The following FXYD6 variants were observed in gnomAD, a reference collection of about 807,000 sequenced individuals.
FXYD6 encodes FXYD domain containing ion transport regulator 6, also known as FXYD domain-containing ion transport regulator 6.
Under a neutral mutation model 16.7 loss-of-function variants are expected in FXYD6, and 7 were observed. The observed-to-expected ratio is 0.42, with a 90% CI of 0.24 to 0.79. FXYD6 has a LOEUF of 0.79. Among genes scored for constraint, FXYD6 ranks in the 30% least tolerant of loss-of-function variants. The probability of loss-of-function intolerance (pLI) is 0.28; values close to 1 mark genes in which losing one functional copy is unlikely to be tolerated. For synonymous variants in FXYD6, 49 were observed against 43.0 expected (o/e 1.14, Z -0.54); for missense variants, 111 against 116.2 (o/e 0.95, Z 0.21).
At chr11:117,841,059 A>G (rs919146069) in intron 5 of FXYD6, 89 bp downstream of exon 5, 7 of 1,540,786 alleles carry the variant, frequency 4.5e-6, no homozygotes, top group Non-Finnish European at 6.2e-6. Context: ...AGAATCCAAG[A>G]GAATGCCCAT....
rs543496859 is a variant in FXYD6, at chr11:117,870,774, A to T, written c.-6+5818T>A. Among the ~76,000 whole-genome samples the T allele has an allele frequency of 3.9e-5, 6 of 152,004 alleles. No individual in the cohort carries two copies. The East Asian group carries it at 1.2e-3, about 30-fold the overall frequency. On this transcript the variant is annotated intron_variant, in intron 1 of 7. Coordinates refer to ENST00000526014, the MANE Select transcript of FXYD6 (RefSeq NM_022003.4). The surrounding 1 kb of genome is among the most constrained non-coding windows in gnomAD (Gnocchi z 4.2). ...ATTATCCCCTCCCTCCCCTCAATGC[A>T]TCCTCATACCCACAGAGCCAAGGCC...
intron 2 of FXYD6, chr11:117,842,365 C>T (rs1225537923): frequency 1.8e-6 from 1 of 558,288 alleles, no homozygotes; most frequent in Non-Finnish European, 3.2e-6. Context: ...CAAGGAAGGA[C>T]ATATGACTTG....
chr11:117,841,782 C>A lies in FXYD6; in HGVS notation c.172+9G>T, dbSNP rs1437319529. 6.2e-7 allele frequency: 1 copy of A among 1,613,638 alleles called. No homozygotes were observed. On this transcript the variant is annotated intron_variant, in intron 4 of 7. Transcript: ENST00000526014. ...GCTCTTAACAGAGTGAGCAAAAGAA[C>A]AAACTTACTTAGGATAAGGAGGATC...
rs143938743 is a variant in FXYD6, at chr11:117,838,725, A to T, written c.*22-448T>A. 1.8e-3 allele frequency: 344 copies of T among 192,416 alleles called. 3 individuals carry two copies. The highest frequency in any genetic ancestry group is 7.7e-3 in the African/African-American group (331 of 43,070). 11.9% of individuals were successfully genotyped at this position (192,416 alleles called of 1,614,324 possible). On this transcript the variant is annotated intron_variant, in intron 7 of 7. Transcript: ENST00000526014. ...ATCTTCGTCCATTCGCACTTAGGTG[A>T]TCACTTGCCTTCGAGAGCCCCATCC...
intron 7 of FXYD6, chr11:117,838,807 A>G (rs1243286466): frequency 6.1e-6 from 1 of 163,836 alleles, no homozygotes; most frequent in African/African-American, 2.4e-5. Flanking sequence ...TGAGGATGCA[A>G]AAGCACTTAG....
intron 4 of FXYD6, 118 bp from the exon 5 acceptor site, chr11:117,841,302 G>C: frequency 1.5e-6 from 2 of 1,349,310 alleles, no homozygotes; most frequent in Non-Finnish European, 2.1e-6. Context: ...GCAGTGCACA[G>C]TTTGCACAGC....
intron 1 of FXYD6, among the ~76,000 whole-genome samples, chr11:117,845,649 C>T (rs12419358): frequency 0.019 from 2,875 of 152,270 alleles, 294 homozygotes; most frequent in Admixed American, 0.16. Flanking sequence ...TTTTCCCCCT[C>T]AATTTTATGC....
upstream of FXYD6, chr11:117,876,673 G>A (rs1407397856): frequency 1.3e-5 from 2 of 152,134 alleles, no homozygotes; most frequent in South Asian, 2.1e-4. Context: ...CTGGGGGCAG[G>A]GCGGTGGGTG....
chr11:117,839,878 C>T (rs771073209), intron 6 of FXYD6, 48 bp from the exon 7 acceptor site: 36 of 1,612,500 alleles, frequency 2.2e-5, no homozygotes, highest in Non-Finnish European at 2.5e-5. Flanking sequence ...TCCTCACCCC[C>T]GTGGGCCACC....
intron 1 of FXYD6, among the ~76,000 whole-genome samples, chr11:117,844,781 G>T (rs776960585): frequency 6.6e-6 from 1 of 152,142 alleles, no homozygotes; most frequent in Non-Finnish European, 1.5e-5. Context: ...GTGAGCCACC[G>T]CGCCTGGCTG....
chr11:117,840,071 G>A (rs962116273), intron 6 of FXYD6: 3 of 643,850 alleles, frequency 4.7e-6, no homozygotes, highest in African/African-American at 3.7e-5. Context: ...TCAGGGCTGT[G>A]TGCCCATTAA....
At chr11:117,859,846 C>T (rs1441504624) in intron 1 of FXYD6, among the ~76,000 whole-genome samples, 3 of 152,134 alleles carry the variant, frequency 2.0e-5, no homozygotes, top group Non-Finnish European at 4.4e-5. Context: ...CCGGAGCTTC[C>T]CTGTTTTCAT....
chr11:117,842,255 G>A (rs1354866012), intron 2 of FXYD6: 4 of 613,976 alleles, frequency 6.5e-6, no homozygotes, highest in Admixed American at 3.0e-5. Context: ...GTGAGGCTCT[G>A]AGTCATGCAA....
intron 1 of FXYD6, among the ~76,000 whole-genome samples, chr11:117,858,479 C>T (rs1456569544): frequency 6.6e-6 from 1 of 152,020 alleles, no homozygotes; most frequent in Non-Finnish European, 1.5e-5. Flanking sequence ...AGCTTGGAAA[C>T]AGGGGTAAGG....
intron 1 of FXYD6, among the ~76,000 whole-genome samples, chr11:117,864,679 G>A (rs1013480544): frequency 6.6e-6 from 1 of 151,952 alleles, no homozygotes; most frequent in Non-Finnish European, 1.5e-5. Flanking sequence ...CTCCACCTCC[G>A]GGGTTCAAGC....
Position 117,870,605 on chromosome 11 carries a change from T to G in FXYD6, c.-6+5987A>C, listed in dbSNP as rs750905437. Among the ~76,000 whole-genome samples, 10 of 152,244 alleles carry G rather than the reference T, an allele frequency of 6.6e-5. No individual in the cohort carries two copies. Among genetic ancestry groups the G allele is most frequent in the Non-Finnish European group, 1.3e-4 (9 of 68,040 alleles). ...GCATGTTTCAGCCTACAGGGCACTT[T>G]GCACAATTTCATATTGTCTCCCTTT... is the stretch of plus-strand genomic sequence containing the variant. On this transcript the variant is annotated intron_variant, in intron 1 of 7. Transcript: ENST00000526014. The surrounding 1 kb of genome is among the most constrained non-coding windows in gnomAD (Gnocchi z 4.2).
intron 1 of FXYD6, among the ~76,000 whole-genome samples, chr11:117,856,165 T>C (rs780289248): frequency 6.6e-6 from 1 of 152,156 alleles, no homozygotes; most frequent in Non-Finnish European, 1.5e-5. Context: ...TATCTTCCCA[T>C]ACTGAGTCAC....
At chr11:117,867,597 GT>G (rs1482348926) in intron 1 of FXYD6, among the ~76,000 whole-genome samples, 2 of 152,126 alleles carry the variant, frequency 1.3e-5, no homozygotes, top group African/African-American at 4.8e-5. Context: ...GTCCTATTTA[GT>G]TTTTTAAAAT....
rs1457281151 is a variant in FXYD6 at position 117,858,781 on chromosome 11, T to TTCC, written c.-5-16001_-5-16000insGGA. On this transcript the variant is annotated intron_variant, in intron 1 of 7. Coordinates refer to ENST00000526014, the MANE Select transcript of FXYD6 (RefSeq NM_022003.4). ...CCTTCCTTCCTTCCTTCCTTCCTTC[T>TTCC]TTCTTTTCTTTTTTAGACAGTCTCG... Among the ~76,000 whole-genome samples, 30 of 74,060 alleles carry TTCC rather than the reference T, an allele frequency of 4.1e-4. 2 individuals are homozygous for TTCC. Among genetic ancestry groups the TTCC allele is most frequent in the African/African-American group, 1.0e-3 (23 of 22,730 alleles). The allele number at this position is 74,060 out of a possible 152,430, so 48.6% of individuals were successfully genotyped here.
Sources: gnomAD v4.1 joint callset for allele counts (sites outside exome capture counted in the v4.1 genomes callset) on GRCh38, gnomAD v4.1.1 for gene constraint, Gnocchi (gnomAD v3.1) non-coding constraint, MANE v1.5 for transcripts, NCBI Gene and HGNC (gene_info 2026-07-23, HGNC 2026-07-21) for gene names.